TAFA5: variants seen among roughly 807,000 people sequenced by gnomAD.
TAFA5 encodes TAFA chemokine like family member 5.
Under a neutral mutation model 15.3 loss-of-function variants are expected in TAFA5, and 6 were observed. The ratio of observed to expected loss-of-function variants is 0.39; its 90% CI spans 0.21 to 0.77. The LOEUF (loss-of-function observed/expected upper bound fraction) is 0.77, where lower values mean the gene tolerates loss of function less well. Among genes scored for constraint, TAFA5 ranks in the 30% least tolerant of loss-of-function variants. TAFA5 has a pLI of 0.41. For missense variants in TAFA5, 161 were observed against 193.1 expected, an observed-to-expected ratio of 0.83 and a Z score of 0.98; for synonymous variants, 103 against 80.7, an observed-to-expected ratio of 1.28 and a Z score of -1.48.
At chr22:48,641,781 C>G (rs2147198576) in intron 1 of TAFA5, among the ~76,000 whole-genome samples, 1 of 152,288 alleles carries the variant, frequency 6.6e-6, no homozygotes, top group Non-Finnish European at 1.5e-5. Flanking sequence ...CATGTCCTCT[C>G]AGCAGAGGCC....
chr22:48,695,063 A>G (rs2147241469), intron 2 of TAFA5, among the ~76,000 whole-genome samples: 1 of 151,628 alleles, frequency 6.6e-6, no homozygotes, highest in South Asian at 2.1e-4. Flanking sequence ...CTTCTGTGGT[A>G]CCTCTGAGAT....
intron 2 of TAFA5, among the ~76,000 whole-genome samples, chr22:48,665,142 C>T (rs921895571): frequency 6.6e-6 from 1 of 152,150 alleles, no homozygotes; most frequent in South Asian, 2.1e-4. Flanking sequence ...GTTTCGTGGA[C>T]TTGGTTTTTT....
chr22:48,722,669 C>T (rs1385028064), intron 3 of TAFA5, among the ~76,000 whole-genome samples: 5 of 123,786 alleles, frequency 4.0e-5, no homozygotes, highest in Admixed American at 7.8e-5. Flanking sequence ...CAAAACTGCA[C>T]GTTCTGCCAT....
chr22:48,713,788 A>G (rs1929324690), intron 3 of TAFA5, among the ~76,000 whole-genome samples: 1 of 152,198 alleles, frequency 6.6e-6, no homozygotes, highest in African/African-American at 2.4e-5. Flanking sequence ...GCTTCCTGCA[A>G]GCTCGGAGCC....
chr22:48,740,779 C>G (rs746835653), intron 3 of TAFA5, among the ~76,000 whole-genome samples: 3 of 152,172 alleles, frequency 2.0e-5, no homozygotes, highest in Non-Finnish European at 4.4e-5. Context: ...CTCGCAGGGT[C>G]TGCAGGCACC....
At chr22:48,633,017 C>G (rs760856301) in intron 1 of TAFA5, among the ~76,000 whole-genome samples, 1 of 152,204 alleles carries the variant, frequency 6.6e-6, no homozygotes, top group Non-Finnish European at 1.5e-5. Flanking sequence ...CCCTGGCGCC[C>G]TGTGGGACAG....
chr22:48,625,309 A>C (rs1925990345), intron 1 of TAFA5, among the ~76,000 whole-genome samples: 1 of 152,124 alleles, frequency 6.6e-6, no homozygotes, highest in South Asian at 2.1e-4. Context: ...ATCTATGTTG[A>C]GGTTAAAGGG....
chr22:48,697,683 G>A (rs371867097), intron 2 of TAFA5, among the ~76,000 whole-genome samples: 181 of 151,370 alleles, frequency 1.2e-3, no homozygotes, highest in African/African-American at 4.2e-3. Context: ...GTGATAATGT[G>A]ATGGTGATGA....
intron 1 of TAFA5, among the ~76,000 whole-genome samples, chr22:48,588,814 C>T (rs1028689024): frequency 6.6e-6 from 1 of 152,156 alleles, no homozygotes; most frequent in African/African-American, 2.4e-5. Flanking sequence ...GACCCGTCCC[C>T]GAGACCATTC....
At chr22:48,693,892 C>T (rs927608005) in intron 2 of TAFA5, among the ~76,000 whole-genome samples, 1 of 152,184 alleles carries the variant, frequency 6.6e-6, no homozygotes, top group African/African-American at 2.4e-5. Flanking sequence ...AGATGGTGCC[C>T]CGGGTGTTTC....
intron 1 of TAFA5, among the ~76,000 whole-genome samples, chr22:48,507,813 G>GC (rs906725635): frequency 6.6e-6 from 1 of 152,150 alleles, no homozygotes; most frequent in South Asian, 2.1e-4. Context: ...GATGGACAGC[G>GC]CCCCCTCCCC....
intron 2 of TAFA5, among the ~76,000 whole-genome samples, chr22:48,685,205 A>G (rs574433667): frequency 3.3e-5 from 5 of 152,348 alleles, no homozygotes; most frequent in African/African-American, 9.6e-5. Context: ...AGAAGTCAGT[A>G]AAAAGGAATG....
chr22:48,579,934 T>A (rs1251827383), intron 1 of TAFA5, among the ~76,000 whole-genome samples: 1 of 152,170 alleles, frequency 6.6e-6, no homozygotes, highest in Non-Finnish European at 1.5e-5. Flanking sequence ...CCTTTAAATG[T>A]GGGTTTGAGG....
In TAFA5 at chr22:48,528,109, C is replaced by T. The variant is rs1921843790; in HGVS notation, c.112+38405C>T. On this transcript the variant is annotated intron_variant, in intron 1 of 3. Transcript: ENST00000402357. Reference sequence around the variant, plus strand: ...CCGGTGCCTGTCCTCTCCTCCTCCACAGGCCCCGCGATGGCTCTGATGGCG... The same window carrying T: ...CCGGTGCCTGTCCTCTCCTCCTCCATAGGCCCCGCGATGGCTCTGATGGCG... Among the ~76,000 whole-genome samples the T allele has an allele frequency of 3.3e-5, 5 of 152,364 alleles. 1 individual carries two copies. The South Asian group carries it at 1.0e-3, about 32-fold the overall frequency.
At chr22:48,733,886 A>C (rs1929936787) in intron 3 of TAFA5, among the ~76,000 whole-genome samples, 1 of 152,210 alleles carries the variant, frequency 6.6e-6, no homozygotes, top group Admixed American at 6.5e-5. Context: ...TCTTTGCAGC[A>C]CAAGTTTGCC....
chr22:48,565,639 C>T (rs1398282433), intron 1 of TAFA5, among the ~76,000 whole-genome samples: 1 of 152,340 alleles, frequency 6.6e-6, no homozygotes, highest in African/African-American at 2.4e-5. Context: ...CCACCTACCA[C>T]GTTAGAGCTC....
Position 48,518,597 on chromosome 22 carries a change from G to T in TAFA5, c.112+28893G>T, listed in dbSNP as rs114367063. Reference sequence around the variant, plus strand: ...TCTCACGGCATTATTGTCACTGAGCGGGTCTTACCCTCCAGCCTGGGAGGC... The same window carrying T: ...TCTCACGGCATTATTGTCACTGAGCTGGTCTTACCCTCCAGCCTGGGAGGC... On this transcript the variant is annotated intron_variant, in intron 1 of 3. Transcript: ENST00000402357. Among the ~76,000 whole-genome samples, 1,107 of 152,332 alleles carry T rather than the reference G, an allele frequency of 7.3e-3. 12 individuals are homozygous for T. The highest frequency in any genetic ancestry group is 0.025 in the African/African-American group (1,056 of 41,572).
intron 2 of TAFA5, among the ~76,000 whole-genome samples, chr22:48,658,592 C>A (rs1386382621): frequency 6.6e-6 from 1 of 152,208 alleles, no homozygotes; most frequent in Non-Finnish European, 1.5e-5. Context: ...ATTCATTGTA[C>A]AAACACCCAC....
chr22:48,636,086 G>T (rs531520390), intron 1 of TAFA5, among the ~76,000 whole-genome samples: 55 of 152,390 alleles, frequency 3.6e-4, no homozygotes, highest in African/African-American at 1.2e-3. Flanking sequence ...GCTCCCGGCA[G>T]TGGTGGGAGC....
Sources: gnomAD v4.1 joint callset for allele counts (sites outside exome capture counted in the v4.1 genomes callset) on GRCh38, gnomAD v4.1.1 for gene constraint, MANE v1.5 for transcripts, NCBI Gene and HGNC (gene_info 2026-07-23, HGNC 2026-07-21) for gene names.